The following PSD3 variants were observed in gnomAD, a reference collection of about 807,000 sequenced individuals.
PSD3 encodes the protein PH and SEC7 domain-containing protein 3.
PSD3 carries 49 observed loss-of-function variants against 105.5 expected under a neutral mutation model. The observed-to-expected ratio is 0.46, with a 90% confidence interval of 0.37 to 0.59. The LOEUF is 0.59. Among genes scored for constraint, PSD3 ranks in the 20% least tolerant of loss-of-function variants. PSD3 has a pLI of 0.00. For missense variants in PSD3, 1,561 were observed against 1,263.8 expected (o/e 1.24, Z -3.57); for synonymous variants, 557 against 457.8 (o/e 1.22, Z -2.77).
At chr8:18,600,477 A>C in intron 11 of PSD3, 43 bp from the exon 12 acceptor site, 1 of 1,430,766 alleles carries the variant, frequency 7.0e-7, no homozygotes, top group Non-Finnish European at 9.7e-7. Context: ...TGACATCAGC[A>C]TTTTAGAAAG....
rs546477884 is a variant in PSD3, at chr8:18,718,718, T to G, written c.2172+46731A>C. Among the ~76,000 whole-genome samples the G allele has an allele frequency of 5.1e-4, 77 of 152,200 alleles. No homozygotes were observed. In the South Asian group the frequency reaches 7.9e-3, roughly 16 times the overall value. ...CTAAAAACCTTTAGGAGATGACATA[T>G]GGTACAAGAAAAACAGGAAATGATG... On this transcript the variant is annotated intron_variant, in intron 9 of 15. Transcript: ENST00000327040.
At chr8:18,916,094 C>T (rs1020375966) in intron 2 of PSD3, among the ~76,000 whole-genome samples, 1 of 151,414 alleles carries the variant, frequency 6.6e-6, no homozygotes, top group East Asian at 1.9e-4. Context: ...GAAACTCCGA[C>T]TCAAAAAAAA....
At chr8:18,842,127 C>T (rs1229940657) in intron 4 of PSD3, among the ~76,000 whole-genome samples, 1 of 152,170 alleles carries the variant, frequency 6.6e-6, no homozygotes, top group Non-Finnish European at 1.5e-5. Flanking sequence ...GTACCTACTG[C>T]TGGGTCCATA....
intron 9 of PSD3, among the ~76,000 whole-genome samples, chr8:18,696,179 G>C (rs1041974391): frequency 6.6e-6 from 1 of 152,200 alleles, no homozygotes; most frequent in African/African-American, 2.4e-5. Context: ...GATTCACAGA[G>C]GCCTTTGTTG....
At chr8:18,803,652 A>T (rs890667909) in intron 6 of PSD3, among the ~76,000 whole-genome samples, 1 of 152,160 alleles carries the variant, frequency 6.6e-6, no homozygotes, top group Non-Finnish European at 1.5e-5. Context: ...ATGAACCTTG[A>T]AGACATTATG....
chr8:19,038,514 T>A (rs565808859), intron 1 of PSD3, among the ~76,000 whole-genome samples: 1 of 152,238 alleles, frequency 6.6e-6, no homozygotes, highest in East Asian at 1.9e-4. Context: ...TTGCCCAGAC[T>A]GCAGTGCAGT....
chr8:19,027,965 G>A (rs559018920), intron 1 of PSD3, among the ~76,000 whole-genome samples: 20 of 152,134 alleles, frequency 1.3e-4, no homozygotes, highest in Middle Eastern at 3.4e-3. Context: ...GATATTACTG[G>A]GACATATGGT....
At chr8:18,654,589 T>G (rs2130848993) in intron 10 of PSD3, among the ~76,000 whole-genome samples, 1 of 152,354 alleles carries the variant, frequency 6.6e-6, no homozygotes, top group East Asian at 1.9e-4. Flanking sequence ...AGTGGTATTG[T>G]TCTACGTAGA....
At chr8:18,601,465 A>G (rs1212825843) in intron 11 of PSD3, among the ~76,000 whole-genome samples, 1 of 152,180 alleles carries the variant, frequency 6.6e-6, no homozygotes, top group Non-Finnish European at 1.5e-5. Context: ...TGTCAACCAA[A>G]TCCTTTAAAT....
At chr8:18,945,921 C>T (rs7825458) in intron 1 of PSD3, among the ~76,000 whole-genome samples, 99,259 of 151,824 alleles carry the variant, frequency 0.65, 32,664 homozygotes, top group Non-Finnish European at 0.67. Context: ...CTGCCGTGAG[C>T]CGAGATCGCG....
At chr8:18,767,274 C>A (rs1337786934) in intron 8 of PSD3, among the ~76,000 whole-genome samples, 1 of 152,222 alleles carries the variant, frequency 6.6e-6, no homozygotes, top group Non-Finnish European at 1.5e-5. Context: ...AGAATCACCT[C>A]TTATTCTAGT....
At chr8:18,855,147 C>T (rs780208306) in intron 4 of PSD3, among the ~76,000 whole-genome samples, 6 of 152,076 alleles carry the variant, frequency 3.9e-5, no homozygotes, top group Non-Finnish European at 5.9e-5. Flanking sequence ...TGTTGGGATA[C>T]GGGGATTATG....
At chr8:18,870,881 C>T (rs899169825) in intron 3 of PSD3, among the ~76,000 whole-genome samples, 15 of 152,252 alleles carry the variant, frequency 9.9e-5, no homozygotes, top group African/African-American at 3.6e-4. Flanking sequence ...GGGAGGATCA[C>T]TTGATGCGAG....
chr8:18,532,382 C>T lies in PSD3; in HGVS notation c.*3361G>A, dbSNP rs1799668754. On this transcript the variant is annotated 3_prime_UTR_variant, in exon 16 of 16. Coordinates refer to ENST00000327040, the MANE Select transcript of PSD3 (RefSeq NM_015310.4). ...TTTTCCTCTTCCAGAGTAAATTCCT[C>T]ATGTCACTTTTGCCCAGGGGCCAGT... The T allele has an allele frequency of 6.6e-6, 1 of 152,352 alleles. No homozygotes were observed. The highest frequency in any genetic ancestry group is 2.1e-4 in the South Asian group (1 of 4,830). The allele number at this position is 152,352 out of a possible 1,614,324, so 9.4% of individuals were successfully genotyped here. A position where few individuals can be genotyped will look rare whatever the true frequency, so the allele number is the denominator to read the frequency against.
chr8:18,910,776 T>A (rs952413697), intron 2 of PSD3, among the ~76,000 whole-genome samples: 4 of 151,222 alleles, frequency 2.6e-5, no homozygotes, highest in Non-Finnish European at 5.9e-5. Context: ...AAAAATCATA[T>A]AGTTTAGTGG....
intron 14 of PSD3, among the ~76,000 whole-genome samples, chr8:18,564,778 A>C (rs1405973299): frequency 2.0e-5 from 3 of 151,962 alleles, no homozygotes; most frequent in Non-Finnish European, 2.9e-5. Context: ...GGTCAGCTCC[A>C]CTCACCTGGC....
At chr8:18,750,333 TGG>T (rs1805372138) in intron 9 of PSD3, among the ~76,000 whole-genome samples, 1 of 152,074 alleles carries the variant, frequency 6.6e-6, no homozygotes, top group African/African-American at 2.4e-5. Context: ...GGTGGGTTCG[TGG>T]TCTCGCTGGC....
chr8:19,001,899 C>G (rs1313483558), intron 1 of PSD3: 2 of 187,314 alleles, frequency 1.1e-5, no homozygotes, highest in African/African-American at 4.7e-5. Flanking sequence ...GGACAAGGCA[C>G]AAGAAGAAGT....
chr8:18,765,547 G>A lies in PSD3; in HGVS notation c.2083-9C>T, dbSNP rs1258085287. 3.2e-6 allele frequency: 5 copies of A among 1,562,396 alleles called. No homozygotes were observed. The highest frequency in any genetic ancestry group is 3.5e-6 in the Non-Finnish European group (4 of 1,133,244). ...ATCTTCTTTCCAATATTCTGAAACA[G>A]AGGCAAACAGTACATCACTATGACA... On this transcript the variant is annotated splice_polypyrimidine_tract_variant and intron_variant, in intron 8 of 15. Coordinates refer to ENST00000327040, the MANE Select transcript of PSD3 (RefSeq NM_015310.4).
Sources: allele counts gnomAD v4.1 joint callset (sites outside exome capture counted in the v4.1 genomes callset), GRCh38; gene constraint gnomAD v4.1.1; transcripts MANE v1.5; gene names NCBI Gene and HGNC (gene_info 2026-07-23, HGNC 2026-07-21).